DYRK3: variants seen among roughly 807,000 people sequenced by gnomAD.
The protein encoded by DYRK3 is dual specificity tyrosine phosphorylation regulated kinase 3, also known as dual specificity tyrosine-phosphorylation-regulated kinase 3.
A neutral mutation model predicts 40.8 loss-of-function variants in DYRK3; 30 were observed. That is an observed-to-expected ratio of 0.74 (90% confidence interval 0.55 to 1.00). The LOEUF is 1.00. Ranked by LOEUF, DYRK3 falls within the 50% of genes least tolerant of loss-of-function variation. DYRK3 has a pLI of 0.00. For missense variants in DYRK3, 699 were observed against 731.5 expected, an observed-to-expected ratio of 0.96 and a Z score of 0.51; for synonymous variants, 272 against 260.7, an observed-to-expected ratio of 1.04 and a Z score of -0.42.
At chr1:206,636,558 G>A (rs1671117774) in intron 1 of DYRK3, among the ~76,000 whole-genome samples, 1 of 152,096 alleles carries the variant, frequency 6.6e-6, no homozygotes, top group Admixed American at 6.6e-5. Context: ...TTTAAAAAGA[G>A]CATTCCAAAA....
chr1:206,648,234 C>T lies in DYRK3; in HGVS notation c.1036C>T (p.His346Tyr). 6.2e-7 allele frequency: 1 copy of T among 1,614,124 alleles called. No individual in the cohort carries two copies. ...LKPENILLKH[H>Y]GRSSTKVIDF... ...GCCAGAAAACATTCTCCTGAAACAC[C>T]ACGGGCGCAGTTCAACCAAGGTCAT... is the stretch of plus-strand genomic sequence containing the variant. The change falls in exon 3 of 3, where the codon CAC becomes TAC. Residue 346 changes from histidine (H) to tyrosine (Y), a missense_variant. By Grantham distance (83) the His-to-Tyr change is moderately conservative. Transcript: ENST00000367109.
At position 206,636,853 on chromosome 1, in the gene DYRK3, C is replaced by T; in HGVS notation, c.78-797C>T. ...TCTTGTGGATTAAATAAATCCTCTC[C>T]GTCTTTTGTGTTCCCTTACAGTGGT... On this transcript the variant is annotated intron_variant, in intron 1 of 2. Transcript: ENST00000367109. 6 of 1,516,320 alleles carry T rather than the reference C, an allele frequency of 4.0e-6. No individual in the cohort carries two copies. The Admixed American group carries it at 5.8e-5, about 15-fold the overall frequency. The allele number at this position is 1,516,320 out of a possible 1,614,324, so 93.9% of individuals were successfully genotyped here.
rs1176273133 is a variant in DYRK3, at chr1:206,654,284, C to G, written c.*5319C>G. ...TCTGAGAATTAAAAATACATACTTACACCTTGAGCCAGGTAGAATTGCCAG... is the reference window on the plus strand; with the variant it reads ...TCTGAGAATTAAAAATACATACTTAGACCTTGAGCCAGGTAGAATTGCCAG... On this transcript the variant is annotated 3_prime_UTR_variant, in exon 3 of 3. Coordinates refer to ENST00000367109, the MANE Select transcript of DYRK3 (RefSeq NM_003582.4). 1.3e-5 allele frequency among the ~76,000 whole-genome samples: 2 copies of G among 152,248 alleles called. No individual in the cohort carries two copies. The highest frequency in any genetic ancestry group is 2.9e-5 in the Non-Finnish European group (2 of 68,048).
rs1553420774 is a variant in DYRK3, at chr1:206,648,573, G to T, written c.1375G>T (p.Asp459Tyr). The change falls in exon 3 of 3, where the codon GAT (aspartate) becomes TAT (tyrosine). Residue 459 changes from aspartate to tyrosine, a missense_variant. Asp to Tyr is a radical substitution (Grantham distance 160). Coordinates refer to ENST00000367109, the MANE Select transcript of DYRK3 (RefSeq NM_003582.4). ...CTACTGCTCTGTGACTACCCAGGCAGATGGGAGGGTTGTGCTTGTGGGGGG... is the reference window on the plus strand; with the variant it reads ...CTACTGCTCTGTGACTACCCAGGCATATGGGAGGGTTGTGCTTGTGGGGGG... ...PRYCSVTTQA[D>Y]GRVVLVGGRS... 6.2e-7 allele frequency: 1 copy of T among 1,614,054 alleles called. No homozygotes were observed. The highest frequency in any genetic ancestry group is 2.2e-5 in the East Asian group (1 of 44,900).
At position 206,636,192 on chromosome 1, in the gene DYRK3, T is replaced by A. The variant is rs782239766; in HGVS notation, c.77+412T>A. 4.6e-6 allele frequency: 3 copies of A among 658,742 alleles called. No individual in the cohort carries two copies. In the East Asian group the frequency reaches 1.5e-4, roughly 34 times the overall value. 40.8% of individuals were successfully genotyped at this position (658,742 alleles called of 1,614,324 possible). On this transcript the variant is annotated intron_variant, in intron 1 of 2. Coordinates refer to ENST00000367109, the MANE Select transcript of DYRK3 (RefSeq NM_003582.4). ...CAACGGCTGAACTCTTGGGGTTTGC[T>A]GTGAGGGGTGCGGTCTAGCTTCGAA...
Position 206,653,518 on chromosome 1 carries a change from C to T in DYRK3, c.*4553C>T, listed in dbSNP as rs557300927. 3.9e-5 allele frequency among the ~76,000 whole-genome samples: 6 copies of T among 152,182 alleles called. No individual in the cohort carries two copies. Among genetic ancestry groups the T allele is most frequent in the African/African-American group, 7.2e-5 (3 of 41,512 alleles). ...TTCTGAATTAACAGATTTTGATGCCCGCTGATCATGTGCAGATGATGGAAG... is the reference window on the plus strand; with the variant it reads ...TTCTGAATTAACAGATTTTGATGCCTGCTGATCATGTGCAGATGATGGAAG... On this transcript the variant is annotated 3_prime_UTR_variant, in exon 3 of 3. Transcript: ENST00000367109.
rs548782293 is a variant in DYRK3 at position 206,654,150 on chromosome 1, C to T, written c.*5185C>T. 5.3e-5 allele frequency among the ~76,000 whole-genome samples: 8 copies of T among 152,318 alleles called. No homozygotes were observed. Among genetic ancestry groups the T allele is most frequent in the Non-Finnish European group, 8.8e-5 (6 of 68,008 alleles). ...TTTGGTGAATCATGGAAAACTCTTT[C>T]TCCTTTATTTTTAATTATTTCTTTT... On this transcript the variant is annotated 3_prime_UTR_variant, in exon 3 of 3. Coordinates refer to ENST00000367109, the MANE Select transcript of DYRK3 (RefSeq NM_003582.4).
At chr1:206,647,291 T>C in intron 2 of DYRK3, 97 bp from the exon 3 acceptor site, 2 of 1,259,066 alleles carry the variant, frequency 1.6e-6, no homozygotes, top group Non-Finnish European at 2.2e-6. Context: ...AAAGTAAACA[T>C]GACTGGACAT....
At chr1:206,638,521 G>A (rs1232168666) in intron 2 of DYRK3, among the ~76,000 whole-genome samples, 4 of 151,190 alleles carry the variant, frequency 2.6e-5, no homozygotes, top group Admixed American at 6.6e-5. Flanking sequence ...TGATCCACCC[G>A]CCTCGGCTTC....
At chr1:206,643,757 A>G (rs1671353170) in intron 2 of DYRK3, among the ~76,000 whole-genome samples, 1 of 152,138 alleles carries the variant, frequency 6.6e-6, no homozygotes, top group South Asian at 2.1e-4. Context: ...TTAGTGCTAG[A>G]CGCATGATGG....
At position 206,654,450 on chromosome 1, in the gene DYRK3, T is replaced by C. The variant is rs916810956; in HGVS notation, c.*5485T>C. ...ATAAGGAGTAAGAAAAGGCCAGGGA[T>C]TGGCAAATCAAAGAAGAGTTCTCTT... is the stretch of plus-strand genomic sequence containing the variant. On this transcript the variant is annotated 3_prime_UTR_variant, in exon 3 of 3. Coordinates refer to ENST00000367109, the MANE Select transcript of DYRK3 (RefSeq NM_003582.4). Among the ~76,000 whole-genome samples, 24 of 152,358 alleles carry C rather than the reference T, an allele frequency of 1.6e-4. No individual in the cohort carries two copies. Among genetic ancestry groups the C allele is most frequent in the African/African-American group, 4.8e-4 (20 of 41,586 alleles).
chr1:206,637,287 C>G (rs782314353), intron 1 of DYRK3, among the ~76,000 whole-genome samples: 6 of 152,198 alleles, frequency 3.9e-5, no homozygotes, highest in Admixed American at 3.9e-4. Flanking sequence ...GAAACTATTA[C>G]CTCTGTTAGT....
At position 206,636,057 on chromosome 1, in the gene DYRK3, T is replaced by C. The variant is rs1347011796; in HGVS notation, c.77+277T>C. 2.6e-6 allele frequency: 4 copies of C among 1,513,782 alleles called. No individual in the cohort carries two copies. In the Admixed American group the frequency reaches 7.5e-5, roughly 28 times the overall value. The allele number at this position is 1,513,782 out of a possible 1,614,324, so 93.8% of individuals were successfully genotyped here. On this transcript the variant is annotated intron_variant, in intron 1 of 2. Coordinates refer to ENST00000367109, the MANE Select transcript of DYRK3 (RefSeq NM_003582.4). Reference sequence around the variant, plus strand: ...CCCTCTGAAACCCTAGATCGGGGTATATGTTAAGGGATTACGAAAATCTAG... The same window carrying C: ...CCCTCTGAAACCCTAGATCGGGGTACATGTTAAGGGATTACGAAAATCTAG...
At position 206,647,425 on chromosome 1, in the gene DYRK3, A is replaced by C. The variant is rs1553420275; in HGVS notation, c.227A>C (p.His76Pro). Residue 76 changes from histidine to proline, a missense_variant, in exon 3 of 3, where the codon CAC (histidine) becomes CCC (proline). Coordinates refer to ENST00000367109, the MANE Select transcript of DYRK3 (RefSeq NM_003582.4). ...CAGTTTACAGGAGATCATACTCAGC[A>C]CTTTTTGGATGGAGGTGAGATGAAG... The part of the protein sequence containing the change: ...TEQFTGDHTQ[H>P]FLDGGEMKVE... The C allele has an allele frequency of 6.2e-7, 1 of 1,613,874 alleles. No individual in the cohort carries two copies. Among genetic ancestry groups the C allele is most frequent in the Admixed American group, 1.7e-5 (1 of 59,970 alleles).
rs12076938 is a variant in DYRK3 at position 206,653,854 on chromosome 1, A to C, written c.*4889A>C. 0.024 allele frequency among the ~76,000 whole-genome samples: 3,715 copies of C among 152,280 alleles called. 109 individuals carry two copies. The highest frequency in any genetic ancestry group is 0.064 in the African/African-American group (2,652 of 41,556). Reference sequence around the variant, plus strand: ...TGCTTTATTCCTTGGTGTTTAAGGGAGTTGGGGCAGACAGGTTAGCTGGCT... The same window carrying C: ...TGCTTTATTCCTTGGTGTTTAAGGGCGTTGGGGCAGACAGGTTAGCTGGCT... On this transcript the variant is annotated 3_prime_UTR_variant, in exon 3 of 3. Transcript: ENST00000367109.
intron 1 of DYRK3, chr1:206,636,288 T>C (rs1479824901): frequency 8.6e-6 from 2 of 232,222 alleles, no homozygotes; most frequent in East Asian, 2.2e-4. Flanking sequence ...CCACCTTGCG[T>C]TGTATTTTAC....
chr1:206,650,045 T>C lies in DYRK3; in HGVS notation c.*1080T>C, dbSNP rs1165259243. Among the ~76,000 whole-genome samples the C allele has an allele frequency of 6.6e-6, 1 of 152,228 alleles. No individual in the cohort carries two copies. Among genetic ancestry groups the C allele is most frequent in the African/African-American group, 2.4e-5 (1 of 41,454 alleles). On this transcript the variant is annotated 3_prime_UTR_variant, in exon 3 of 3. Coordinates refer to ENST00000367109, the MANE Select transcript of DYRK3 (RefSeq NM_003582.4). ...ACTGGTGATAATCAAGTTTTCCCTT[T>C]TTATGTTTCTTAATTTTATTCTCTT...
chr1:206,635,568 T>C lies in DYRK3; in HGVS notation c.-136T>C. 1 of 1,125,264 alleles carries C rather than the reference T, an allele frequency of 8.9e-7. No homozygotes were observed. Among genetic ancestry groups the C allele is most frequent in the Non-Finnish European group, 1.1e-6 (1 of 891,140 alleles). The allele number at this position is 1,125,264 out of a possible 1,614,324, so 69.7% of individuals were successfully genotyped here. On this transcript the variant is annotated 5_prime_UTR_variant, in exon 1 of 3. Transcript: ENST00000367109. The stretch of plus-strand genomic sequence containing the variant: ...AGCCGGGGCCAGTCGGGAGCGAAAG[T>C]GCGCTGAGCTGCAGTGTCTGGTCGA...
chr1:206,643,486 G>A (rs1671346915), intron 2 of DYRK3, among the ~76,000 whole-genome samples: 2 of 152,222 alleles, frequency 1.3e-5, no homozygotes, highest in East Asian at 1.9e-4. Flanking sequence ...AGCAGAGTAG[G>A]GGAAATTCCC....
Sources: allele counts gnomAD v4.1 joint callset (sites outside exome capture counted in the v4.1 genomes callset), GRCh38; gene constraint gnomAD v4.1.1; transcripts MANE v1.5; gene names NCBI Gene and HGNC (gene_info 2026-07-23, HGNC 2026-07-21).